The following CSMD2 variants were observed in gnomAD, a reference collection of about 807,000 sequenced individuals.
The protein encoded by CSMD2 is CUB and sushi domain-containing protein 2.
In CSMD2, 130 loss-of-function variants were observed where a neutral mutation model predicts 398.5. The observed-to-expected ratio is 0.33, with a 90% CI of 0.28 to 0.38. CSMD2 has a LOEUF of 0.38. Ranked by LOEUF, CSMD2 falls within the 10% of genes least tolerant of loss-of-function variation. CSMD2 has a pLI of 1.00. For missense variants in CSMD2, 3,829 were observed against 4,764.9 expected (o/e 0.80, Z 5.78); for synonymous variants, 1,828 against 1,908.5 (o/e 0.96, Z 1.10).
At chr1:33,564,452 A>G (rs375531936) in intron 53 of CSMD2, among the ~76,000 whole-genome samples, 10 of 152,176 alleles carry the variant, frequency 6.6e-5, no homozygotes, top group East Asian at 3.9e-4. Flanking sequence ...TATTACCTAA[A>G]TCTCTTTGTA....
At chr1:33,960,136 G>C (rs1645305173) in intron 3 of CSMD2, among the ~76,000 whole-genome samples, 1 of 152,134 alleles carries the variant, frequency 6.6e-6, no homozygotes, top group Non-Finnish European at 1.5e-5. Context: ...GGTGCCTCCA[G>C]GGCTGTGCTG....
In CSMD2 at chr1:33,519,944, C is replaced by T. The variant is rs1357651665; in HGVS notation, c.10604G>A (p.Arg3535Lys). 2 of 1,614,160 alleles carry T rather than the reference C, an allele frequency of 1.2e-6. No individual in the cohort carries two copies. Among genetic ancestry groups the T allele is most frequent in the East Asian group, 2.2e-5 (1 of 44,872 alleles). The change falls in exon 69 of 71, where the codon AGG (arginine) becomes AAG (lysine). Residue 3535 changes from arginine (R) to lysine (K), a missense_variant. This residue lies in a region of CSMD2 where 917 missense variants were observed against 1,199.5 expected (regional missense o/e 0.76). Transcript: ENST00000373381. The surrounding 1 kb of genome is among the most constrained non-coding windows in gnomAD (Gnocchi z 5.6). ...GQFGFQRLDL[R>K]LLESDPESIG... ...GGACTCGGGGTCTGACTCCAGCAGCCTGAGGTCTGTAAAGTCCCAAAGCAG... is the reference window on the plus strand; with the variant it reads ...GGACTCGGGGTCTGACTCCAGCAGCTTGAGGTCTGTAAAGTCCCAAAGCAG...
chr1:34,068,252 G>A (rs1341128145), intron 2 of CSMD2, among the ~76,000 whole-genome samples: 1 of 152,126 alleles, frequency 6.6e-6, no homozygotes, highest in Non-Finnish European at 1.5e-5. Context: ...TCCTCATCCT[G>A]GTCATTCTCC....
At chr1:33,555,955 G>C (rs1657925036) in intron 55 of CSMD2, among the ~76,000 whole-genome samples, 1 of 152,012 alleles carries the variant, frequency 6.6e-6, no homozygotes, top group African/African-American at 2.4e-5. Flanking sequence ...CAGGAGTTTG[G>C]AGTAAGCTGA....
At chr1:33,706,700 G>A (rs1404774277) in intron 22 of CSMD2, among the ~76,000 whole-genome samples, 1 of 152,168 alleles carries the variant, frequency 6.6e-6, no homozygotes, top group Non-Finnish European at 1.5e-5. Context: ...CAGTCTCTAA[G>A]GGAGAGCAGA....
chr1:33,833,160 C>A (rs187808496), intron 6 of CSMD2, among the ~76,000 whole-genome samples: 83,794 of 112,038 alleles, frequency 0.75, 32,601 homozygotes, highest in East Asian at 0.93. Context: ...ATGAGGCCGC[C>A]TCATACCTGA....
rs1232989439 is a variant in CSMD2, at chr1:34,084,804, T to C, written c.404+4173A>G. Among the ~76,000 whole-genome samples the C allele has an allele frequency of 3.3e-5, 5 of 152,108 alleles. No individual in the cohort carries two copies. The East Asian group carries it at 5.8e-4, about 18-fold the overall frequency. ...GTGGGACTGTAAACTAGTTCAACCA[T>C]TGTGGAAGTCAGTGTGGCGATTCCT... On this transcript the variant is annotated intron_variant, in intron 2 of 70. Transcript: ENST00000373381.
At chr1:34,134,475 A>G (rs1638505950) in intron 1 of CSMD2, among the ~76,000 whole-genome samples, 1 of 152,236 alleles carries the variant, frequency 6.6e-6, no homozygotes, top group Admixed American at 6.5e-5. Context: ...AAAAGAAAGC[A>G]TCAAGACACA....
chr1:33,626,117 G>A lies in CSMD2; in HGVS notation c.5296+369C>T, dbSNP rs181324683. 3.5e-4 allele frequency among the ~76,000 whole-genome samples: 53 copies of A among 152,268 alleles called. No individual in the cohort carries two copies. The East Asian group carries it at 7.0e-3, about 20-fold the overall frequency. ...GCACTTCAAAGCCTGTGTTTTCCCC[G>A]CACCTTTACTGTGCCTGGCAGACAA... On this transcript the variant is annotated intron_variant, in intron 33 of 70. Transcript: ENST00000373381.
intron 57 of CSMD2, 92 bp downstream of exon 57, chr1:33,545,945 C>T: frequency 3.1e-6 from 4 of 1,286,122 alleles, no homozygotes; most frequent in Non-Finnish European, 2.2e-6. Context: ...CGGTTTTTTT[C>T]TGTGAGCGCA....
chr1:33,723,318 G>A (rs997515834), intron 19 of CSMD2, among the ~76,000 whole-genome samples: 4 of 152,132 alleles, frequency 2.6e-5, no homozygotes, highest in South Asian at 2.1e-4. Flanking sequence ...GGTTTCCACC[G>A]CCAACGTAGA....
At chr1:33,880,754 C>G (rs1355022418) in intron 5 of CSMD2, among the ~76,000 whole-genome samples, 1 of 152,158 alleles carries the variant, frequency 6.6e-6, no homozygotes, top group Admixed American at 6.5e-5. Flanking sequence ...AATTCTTATA[C>G]TCAAAGAAAG....
chr1:34,165,305 G>A (rs1641786462), upstream of CSMD2: 2 of 1,202,320 alleles, frequency 1.7e-6, no homozygotes, highest in African/African-American at 1.6e-5. Context: ...CCGCTTCGCG[G>A]GGTTCGCGCC....
intron 41 of CSMD2, among the ~76,000 whole-genome samples, chr1:33,607,208 G>A (rs950496100): frequency 2.6e-5 from 4 of 152,182 alleles, no homozygotes; most frequent in African/African-American, 9.7e-5. Flanking sequence ...TAAGCATGTC[G>A]GACCGGGAGG....
chr1:34,063,870 G>A (rs893539194), intron 2 of CSMD2, among the ~76,000 whole-genome samples: 7 of 152,218 alleles, frequency 4.6e-5, no homozygotes, highest in African/African-American at 1.7e-4. Context: ...CAGGCATTTG[G>A]ATACATCTGA....
At chr1:33,543,182 T>G (rs1430842380) in intron 57 of CSMD2, among the ~76,000 whole-genome samples, 4 of 152,220 alleles carry the variant, frequency 2.6e-5, no homozygotes, top group African/African-American at 9.6e-5. Flanking sequence ...TCACCAAATA[T>G]CCAATCAGTG....
At chr1:33,832,078 C>A (rs1027551270) in intron 6 of CSMD2, among the ~76,000 whole-genome samples, 9 of 141,314 alleles carry the variant, frequency 6.4e-5, no homozygotes, top group African/African-American at 1.9e-4. Context: ...CTTTAACACC[C>A]CACTGTCAAT....
chr1:33,890,387 C>G (rs1050194015), intron 5 of CSMD2, among the ~76,000 whole-genome samples: 7 of 151,834 alleles, frequency 4.6e-5, no homozygotes, highest in Non-Finnish European at 8.8e-5. Context: ...TCTGCCACCA[C>G]GCCTGGCTAA....
chr1:33,630,171 T>C (rs1264836550), intron 32 of CSMD2, among the ~76,000 whole-genome samples: 1 of 152,084 alleles, frequency 6.6e-6, no homozygotes, highest in Non-Finnish European at 1.5e-5. Context: ...CTATAGGTCT[T>C]AAATGTAGAC....
Sources: allele counts gnomAD v4.1 joint callset (sites outside exome capture counted in the v4.1 genomes callset), GRCh38; gene constraint gnomAD v4.1.1; regional missense constraint gnomAD v4.1.1; non-coding constraint Gnocchi (gnomAD v3.1); transcripts MANE v1.5; gene names NCBI Gene and HGNC (gene_info 2026-07-23, HGNC 2026-07-21).